Variants in SLC24A2 observed in about 807,000 individuals in gnomAD.
SLC24A2 encodes sodium/potassium/calcium exchanger 2.
SLC24A2 carries 36 observed loss-of-function variants against 62.0 expected under a neutral mutation model. The ratio of observed to expected loss-of-function variants is 0.58; its 90% CI spans 0.44 to 0.77. The LOEUF (loss-of-function observed/expected upper bound fraction) is 0.77, where lower values mean the gene tolerates loss of function less well. SLC24A2 is among the 30% of genes least tolerant of loss of function. SLC24A2 has a pLI of 0.00. For missense variants in SLC24A2, 846 were observed against 817.9 expected (o/e 1.03, Z -0.42); for synonymous variants, 358 against 294.0 (o/e 1.22, Z -2.23).
At chr9:20,182,951 T>A in the SLC24A2 span, among the ~76,000 whole-genome samples, 1 of 152,222 alleles carries the variant, frequency 6.6e-6, no homozygotes, top group Non-Finnish European at 1.5e-5. Flanking sequence ...AGGCAACTAT[T>A]CCTTTTAAAG....
the SLC24A2 span, among the ~76,000 whole-genome samples, chr9:20,086,741 G>C: frequency 1.3e-5 from 2 of 152,074 alleles, no homozygotes; most frequent in African/African-American, 2.4e-5. Flanking sequence ...AGTTCCCAAA[G>C]CCTAGGAAAT....
intron 2 of SLC24A2, among the ~76,000 whole-genome samples, chr9:19,717,947 C>T (rs1180505867): frequency 6.8e-6 from 1 of 146,996 alleles, no homozygotes; most frequent in African/African-American, 2.5e-5. Flanking sequence ...TGTCTAAAGA[C>T]AAATATAATG....
At chr9:20,036,100 A>C in the SLC24A2 span, among the ~76,000 whole-genome samples, 1 of 152,230 alleles carries the variant, frequency 6.6e-6, no homozygotes, top group Non-Finnish European at 1.5e-5. Context: ...AGAAGTTTTG[A>C]AAAGAAACCG....
At chr9:20,206,883 G>GGT in the SLC24A2 span, among the ~76,000 whole-genome samples, 1 of 145,716 alleles carries the variant, frequency 6.9e-6, no homozygotes, top group Non-Finnish European at 1.5e-5. Flanking sequence ...AACTAAGTTG[G>GGT]GGGGGGCGGT....
chr9:19,739,814 T>C (rs2118759417), intron 2 of SLC24A2, among the ~76,000 whole-genome samples: 1 of 152,280 alleles, frequency 6.6e-6, no homozygotes, highest in South Asian at 2.1e-4. Context: ...GTCTGATAAA[T>C]TGGACTACGT....
intron 2 of SLC24A2, among the ~76,000 whole-genome samples, chr9:19,666,621 TAG>T (rs1407967201): frequency 1.3e-5 from 2 of 152,202 alleles, no homozygotes; most frequent in African/African-American, 4.8e-5. Context: ...CCCAGCAGTG[TAG>T]AGAGTATATA....
At chr9:20,144,506 G>A in the SLC24A2 span, among the ~76,000 whole-genome samples, 1 of 152,084 alleles carries the variant, frequency 6.6e-6, no homozygotes. Context: ...AAGCCTCTCG[G>A]CACCCATTTT....
the SLC24A2 span, among the ~76,000 whole-genome samples, chr9:19,939,183 T>C: frequency 6.6e-6 from 1 of 152,244 alleles, no homozygotes; most frequent in African/African-American, 2.4e-5. Flanking sequence ...ATGAGTATAG[T>C]GCCACCTAAG....
At chr9:19,734,014 T>C (rs2118727278) in intron 2 of SLC24A2, among the ~76,000 whole-genome samples, 2 of 152,312 alleles carry the variant, frequency 1.3e-5, no homozygotes, top group South Asian at 4.1e-4. Context: ...GGCAAGTCTC[T>C]CTGAGGAAGT....
the SLC24A2 span, among the ~76,000 whole-genome samples, chr9:20,097,720 A>ATTTTTTTTTTTTTTTTTTTTTTTTTTT: frequency 1.4e-5 from 1 of 69,052 alleles, no homozygotes; most frequent in Non-Finnish European, 2.7e-5. Context: ...ATCTTAAATA[A>ATTTTTTTTTTTTTTTTTTTTTTTTTTT]TTTTTTTTTT....
chr9:19,563,152 T>G (rs1835486911), intron 7 of SLC24A2, among the ~76,000 whole-genome samples: 1 of 146,700 alleles, frequency 6.8e-6, no homozygotes. Context: ...TTTGATATTC[T>G]TATTTCTTTC....
At chr9:20,202,632 A>G in the SLC24A2 span, among the ~76,000 whole-genome samples, 1 of 152,192 alleles carries the variant, frequency 6.6e-6, no homozygotes, top group Non-Finnish European at 1.5e-5. Flanking sequence ...GGTGGCTTAG[A>G]GCTCACAGTT....
the SLC24A2 span, among the ~76,000 whole-genome samples, chr9:20,050,239 A>C: frequency 1.4e-4 from 20 of 139,872 alleles, no homozygotes; most frequent in Non-Finnish European, 2.5e-4. Flanking sequence ...CCCCGTCTCT[A>C]CAAAAAAAAA....
chr9:20,103,825 A>C, the SLC24A2 span, among the ~76,000 whole-genome samples: 11 of 152,028 alleles, frequency 7.2e-5, no homozygotes, highest in African/African-American at 2.7e-4. Context: ...GTTCCTCACC[A>C]GCAACGGAAC....
At chr9:19,688,336 C>A (rs1819945982) in intron 2 of SLC24A2, among the ~76,000 whole-genome samples, 1 of 152,056 alleles carries the variant, frequency 6.6e-6, no homozygotes, top group South Asian at 2.1e-4. Flanking sequence ...AGAATAACAT[C>A]TCCCTCATTG....
intron 2 of SLC24A2, among the ~76,000 whole-genome samples, chr9:19,683,675 G>A (rs1819789747): frequency 1.3e-5 from 2 of 151,992 alleles, no homozygotes; most frequent in Admixed American, 1.3e-4. Flanking sequence ...CAGAGCTTCT[G>A]AATTAGCAAG....
intron 2 of SLC24A2, among the ~76,000 whole-genome samples, chr9:19,687,365 T>C (rs1344299109): frequency 1.3e-5 from 2 of 152,136 alleles, no homozygotes; most frequent in African/African-American, 2.4e-5. Context: ...CTTGTGTACA[T>C]AGTCCTCAAG....
the SLC24A2 span, among the ~76,000 whole-genome samples, chr9:20,026,771 AC>A: frequency 5.9e-5 from 9 of 152,338 alleles, no homozygotes; most frequent in South Asian, 1.9e-3. Context: ...CTGGGCAATG[AC>A]TTTTTGGATA....
chr9:20,184,383 C>G, the SLC24A2 span, among the ~76,000 whole-genome samples: 9 of 152,100 alleles, frequency 5.9e-5, 1 homozygote, highest in South Asian at 1.7e-3. Context: ...AACCCTGTCT[C>G]TACTAAAATT....
Sources: allele counts gnomAD v4.1 joint callset (sites outside exome capture counted in the v4.1 genomes callset), GRCh38; gene constraint gnomAD v4.1.1; transcripts MANE v1.5; gene names NCBI Gene and HGNC (gene_info 2026-07-23, HGNC 2026-07-21).